Variants in WDR70 observed in about 807,000 individuals in gnomAD.
The protein encoded by WDR70 is WD repeat-containing protein 70.
A neutral mutation model predicts 88.6 loss-of-function variants in WDR70; 53 were observed. The ratio of observed to expected loss-of-function variants is 0.60; its 90% CI spans 0.48 to 0.75. WDR70 has a LOEUF of 0.75. Among genes scored for constraint, WDR70 ranks in the 30% least tolerant of loss-of-function variants. WDR70 has a pLI of 0.00. For missense variants in WDR70, 610 were observed against 823.2 expected, an observed-to-expected ratio of 0.74 and a Z score of 3.17; for synonymous variants, 280 against 270.0, an observed-to-expected ratio of 1.04 and a Z score of -0.36.
At chr5:37,697,535 A>T in intron 10 of WDR70, 120 bp from the exon 11 acceptor site, 2 of 690,732 alleles carry the variant, frequency 2.9e-6, no homozygotes, top group Non-Finnish European at 4.8e-6. Flanking sequence ...ATGTGAAATT[A>T]GTACTTTGCT....
intron 10 of WDR70, among the ~76,000 whole-genome samples, chr5:37,681,011 C>A (rs1023495728): frequency 6.6e-6 from 1 of 152,120 alleles, no homozygotes; most frequent in Non-Finnish European, 1.5e-5. Context: ...AGCATTGAAT[C>A]TGTAAATTGC....
intron 8 of WDR70, among the ~76,000 whole-genome samples, chr5:37,481,289 A>ATT (rs2112160497): frequency 6.6e-6 from 1 of 151,956 alleles, no homozygotes; most frequent in African/African-American, 2.4e-5. Context: ...CCAACCCCAT[A>ATT]TTTCCCTTTG....
At chr5:37,642,518 CA>C (rs1745131006) in intron 10 of WDR70, among the ~76,000 whole-genome samples, 1 of 152,138 alleles carries the variant, frequency 6.6e-6, no homozygotes. Flanking sequence ...TCCATCACCT[CA>C]AACATGTATC....
intron 5 of WDR70, among the ~76,000 whole-genome samples, chr5:37,401,023 T>TG (rs975648745): frequency 8.5e-5 from 13 of 152,078 alleles, no homozygotes; most frequent in Admixed American, 8.5e-4. Context: ...TTTTTTGAGA[T>TG]GGGGTCTCTC....
chr5:37,556,034 G>A (rs1236287789), intron 9 of WDR70, among the ~76,000 whole-genome samples: 2 of 151,820 alleles, frequency 1.3e-5, no homozygotes, highest in Non-Finnish European at 2.9e-5. Flanking sequence ...TCAGTTTTAA[G>A]TACTATAATT....
chr5:37,441,950 A>G (rs1750667015), intron 6 of WDR70, among the ~76,000 whole-genome samples: 1 of 152,166 alleles, frequency 6.6e-6, no homozygotes, highest in Admixed American at 6.5e-5. Context: ...TTTGAGAGAA[A>G]GCTACATATA....
intron 4 of WDR70, among the ~76,000 whole-genome samples, chr5:37,394,323 C>G (rs1453526954): frequency 6.6e-5 from 10 of 150,816 alleles, no homozygotes; most frequent in Admixed American, 6.6e-4. Context: ...TAAACCAGTG[C>G]AGCTGGAAAC....
At chr5:37,695,092 G>A (rs1264680273) in intron 10 of WDR70, among the ~76,000 whole-genome samples, 1 of 152,170 alleles carries the variant, frequency 6.6e-6, no homozygotes, top group Non-Finnish European at 1.5e-5. Context: ...TTGTGGGGAT[G>A]CCTCAGGAAA....
chr5:37,441,219 A>G (rs901104095), intron 6 of WDR70, among the ~76,000 whole-genome samples: 3 of 152,246 alleles, frequency 2.0e-5, no homozygotes, highest in African/African-American at 7.2e-5. Context: ...AGTCACTTCT[A>G]GATTTTTAAA....
chr5:37,689,402 T>A (rs886621395), intron 10 of WDR70, among the ~76,000 whole-genome samples: 4 of 152,262 alleles, frequency 2.6e-5, no homozygotes, highest in South Asian at 4.1e-4. Flanking sequence ...TCCTAACCCC[T>A]GTGTAGCCTA....
chr5:37,730,788 T>G (rs1269047520), intron 17 of WDR70, among the ~76,000 whole-genome samples: 1 of 152,190 alleles, frequency 6.6e-6, no homozygotes, highest in Non-Finnish European at 1.5e-5. Flanking sequence ...AAAACATTAA[T>G]ATGCTGGAAA....
At chr5:37,568,195 A>G (rs1742799730) in intron 9 of WDR70, among the ~76,000 whole-genome samples, 1 of 152,096 alleles carries the variant, frequency 6.6e-6, no homozygotes, top group African/African-American at 2.4e-5. Flanking sequence ...GGGTGTAGTG[A>G]GTGATTCTGT....
intron 15 of WDR70, chr5:37,723,801 C>T (rs1747892694): frequency 6.6e-6 from 1 of 152,188 alleles, no homozygotes; most frequent in African/African-American, 2.4e-5. Context: ...TACATGCGGC[C>T]TACTTAAATT....
Position 37,505,704 on chromosome 5 carries a change from G to A in WDR70, c.841-10810G>A, listed in dbSNP as rs531592470. 1.5e-4 allele frequency: 146 copies of A among 997,038 alleles called. 2 individuals carry two copies. Among genetic ancestry groups the A allele is most frequent in the South Asian group, 3.8e-4 (30 of 78,474 alleles). 61.8% of individuals were successfully genotyped at this position (997,038 alleles called of 1,614,324 possible). A position where few individuals can be genotyped will look rare whatever the true frequency, so the allele number is the denominator to read the frequency against. On this transcript the variant is annotated intron_variant, in intron 8 of 17. Coordinates refer to ENST00000265107, the MANE Select transcript of WDR70 (RefSeq NM_018034.4). ...CTAAAATTCTCATCTGACATTTTGC[G>A]ACATGTATAGTGGTGTCAGCATCTC...
chr5:37,468,647 T>C (rs1739233763), intron 7 of WDR70, among the ~76,000 whole-genome samples: 1 of 152,162 alleles, frequency 6.6e-6, no homozygotes, highest in African/African-American at 2.4e-5. Flanking sequence ...TAATACATTA[T>C]TGTTAACTAT....
intron 13 of WDR70, among the ~76,000 whole-genome samples, chr5:37,707,948 A>AAAAAAT (rs1561083728): frequency 3.0e-5 from 1 of 33,770 alleles, no homozygotes; most frequent in African/African-American, 1.0e-4. Flanking sequence ...AAAAAAAAAA[A>AAAAAAT]ATATATATAT....
intron 8 of WDR70, among the ~76,000 whole-genome samples, chr5:37,501,520 G>T (rs1443496672): frequency 1.3e-5 from 2 of 152,114 alleles, no homozygotes; most frequent in Non-Finnish European, 2.9e-5. Context: ...ATTGCAAAAA[G>T]ATCTTGTAGT....
chr5:37,410,193 G>GTTTTT (rs952637754), intron 5 of WDR70, among the ~76,000 whole-genome samples: 25 of 119,442 alleles, frequency 2.1e-4, no homozygotes, highest in East Asian at 2.6e-4. Flanking sequence ...GAGTTTGTTA[G>GTTTTT]TTTTTTTTTT....
At chr5:37,412,965 A>G (rs1271856072) in intron 5 of WDR70, among the ~76,000 whole-genome samples, 1 of 152,244 alleles carries the variant, frequency 6.6e-6, no homozygotes, top group East Asian at 1.9e-4. Flanking sequence ...TATTTGATCA[A>G]TAACCAATTT....
Sources: allele counts gnomAD v4.1 joint callset (sites outside exome capture counted in the v4.1 genomes callset), GRCh38; gene constraint gnomAD v4.1.1; transcripts MANE v1.5; gene names NCBI Gene and HGNC (gene_info 2026-07-23, HGNC 2026-07-21).